Variants in HRH1 observed in about 807,000 individuals in gnomAD.
HRH1 encodes the protein histamine receptor H1, also known as histamine H1 receptor.
Under a neutral mutation model 10.3 loss-of-function variants are expected in HRH1, and 6 were observed. The observed-to-expected ratio is 0.58, with a 90% confidence interval of 0.32 to 1.15. HRH1 has a LOEUF of 1.15. Among genes scored for constraint, HRH1 ranks in the 50% most tolerant of loss-of-function variants. The pLI is 0.05. For missense variants in HRH1, 514 were observed against 615.3 expected (o/e 0.84, Z 1.74); for synonymous variants, 242 against 236.7 (o/e 1.02, Z -0.21).
chr3:11,181,968 T>C (rs910329661), intron 1 of HRH1, among the ~76,000 whole-genome samples: 18 of 151,680 alleles, frequency 1.2e-4, no homozygotes, highest in African/African-American at 4.1e-4. Flanking sequence ...CTTTCCATTG[T>C]TCATGCATAA....
rs541688961 is a variant in HRH1 at position 11,234,300 on chromosome 3, C to T, written c.-35-24703C>T. ...TTGGTTGCAGTGGCCTCAGTGGGAG[C>T]TGTTTCTTCTGCTTGTTCTGCTGGC... On this transcript the variant is annotated intron_variant, in intron 1 of 1. Transcript: ENST00000431010. The T allele has an allele frequency of 3.5e-5, 55 of 1,570,240 alleles. No homozygotes were observed. The East Asian group carries it at 1.2e-3, about 34-fold the overall frequency.
At chr3:11,176,337 T>A (rs1053526295) in intron 1 of HRH1, among the ~76,000 whole-genome samples, 4 of 152,138 alleles carry the variant, frequency 2.6e-5, no homozygotes, top group Non-Finnish European at 5.9e-5. Flanking sequence ...CAAAGGACAA[T>A]TCTTCACCAG....
intron 1 of HRH1, among the ~76,000 whole-genome samples, chr3:11,206,876 A>C (rs897321728): frequency 6.6e-6 from 1 of 152,214 alleles, no homozygotes; most frequent in African/African-American, 2.4e-5. Flanking sequence ...CAGACAAGGG[A>C]AAGTCAATGA....
At chr3:11,157,413 A>T (rs891818883) in intron 1 of HRH1, among the ~76,000 whole-genome samples, 5 of 152,208 alleles carry the variant, frequency 3.3e-5, no homozygotes, top group Non-Finnish European at 1.5e-5. Context: ...TATCTGAAAG[A>T]TGTACCTGGC....
At chr3:11,179,728 C>A (rs1480778010) in intron 1 of HRH1, among the ~76,000 whole-genome samples, 1 of 150,970 alleles carries the variant, frequency 6.6e-6, no homozygotes, top group Non-Finnish European at 1.5e-5. Flanking sequence ...CTCTTTGCCT[C>A]CCTAGGCCTC....
intron 1 of HRH1, among the ~76,000 whole-genome samples, chr3:11,207,292 C>T (rs529771651): frequency 2.6e-5 from 4 of 152,004 alleles, no homozygotes; most frequent in East Asian, 3.9e-4. Context: ...GGGCTGGGCA[C>T]GGTGTCCCAC....
At chr3:11,185,983 A>C (rs1440858599) in intron 1 of HRH1, among the ~76,000 whole-genome samples, 1 of 152,000 alleles carries the variant, frequency 6.6e-6, no homozygotes, top group Non-Finnish European at 1.5e-5. Context: ...TGTTCTGTGG[A>C]AGCCCCGACC....
At chr3:11,155,263 C>T (rs1574978094) in intron 1 of HRH1, among the ~76,000 whole-genome samples, 1 of 152,166 alleles carries the variant, frequency 6.6e-6, no homozygotes, top group East Asian at 1.9e-4. Context: ...CTCGTTGTAC[C>T]GAGAGAGGAG....
At chr3:11,181,153 T>A (rs1036147663) in intron 1 of HRH1, among the ~76,000 whole-genome samples, 1 of 152,104 alleles carries the variant, frequency 6.6e-6, no homozygotes, top group Non-Finnish European at 1.5e-5. Context: ...CCTAGTGGCA[T>A]GTGCCTGTAG....
intron 1 of HRH1, among the ~76,000 whole-genome samples, chr3:11,170,396 C>A (rs574419002): frequency 6.6e-6 from 1 of 152,374 alleles, no homozygotes; most frequent in Admixed American, 6.5e-5. Flanking sequence ...TTTGGATAAG[C>A]TCGCCACATG....
chr3:11,219,181 G>A (rs909057693), intron 1 of HRH1, among the ~76,000 whole-genome samples: 12 of 152,080 alleles, frequency 7.9e-5, no homozygotes, highest in Middle Eastern at 6.3e-3. Flanking sequence ...GAGCGACCGC[G>A]CCTGGCCTAA....
chr3:11,242,640 T>C (rs1939380727), intron 1 of HRH1, among the ~76,000 whole-genome samples: 1 of 152,170 alleles, frequency 6.6e-6, no homozygotes, highest in Non-Finnish European at 1.5e-5. Flanking sequence ...AGCTCATTTC[T>C]CTTTATTTTC....
At chr3:11,181,576 T>C (rs1937353535) in intron 1 of HRH1, among the ~76,000 whole-genome samples, 1 of 152,128 alleles carries the variant, frequency 6.6e-6, no homozygotes, top group South Asian at 2.1e-4. Flanking sequence ...CATGGGCTTA[T>C]TGACCATTTA....
At chr3:11,147,641 T>C (rs1307038156) in intron 1 of HRH1, among the ~76,000 whole-genome samples, 1 of 152,214 alleles carries the variant, frequency 6.6e-6, no homozygotes, top group Non-Finnish European at 1.5e-5. Context: ...TGCCTCTTAA[T>C]AACCGTTCCC....
chr3:11,233,796 C>T (rs1414345233), intron 1 of HRH1, among the ~76,000 whole-genome samples: 2 of 152,178 alleles, frequency 1.3e-5, no homozygotes, highest in Non-Finnish European at 2.9e-5. Flanking sequence ...GACCATCTGG[C>T]CTCTGCTAGT....
chr3:11,249,143 T>C (rs1309951423), intron 1 of HRH1, among the ~76,000 whole-genome samples: 1 of 152,132 alleles, frequency 6.6e-6, no homozygotes, highest in Non-Finnish European at 1.5e-5. Context: ...ATGCCTGTAA[T>C]CCCAGCACTT....
intron 1 of HRH1, among the ~76,000 whole-genome samples, chr3:11,236,384 G>A (rs1010282804): frequency 3.3e-5 from 5 of 152,200 alleles, no homozygotes; most frequent in Non-Finnish European, 5.9e-5. Context: ...AGCTGAGATC[G>A]TGCCATTGCA....
At chr3:11,210,380 C>T (rs375261931) in intron 1 of HRH1, among the ~76,000 whole-genome samples, 19 of 151,982 alleles carry the variant, frequency 1.3e-4, no homozygotes, top group African/African-American at 3.9e-4. Context: ...GGTGACAAAA[C>T]GAGACCCTGT....
rs1374143185 is a variant in HRH1 at position 11,220,312 on chromosome 3, T to G, written c.-35-38691T>G. Among the ~76,000 whole-genome samples, 4 of 152,168 alleles carry G rather than the reference T, an allele frequency of 2.6e-5. No homozygotes were observed. In the East Asian group the frequency reaches 5.8e-4, roughly 22 times the overall value. On this transcript the variant is annotated intron_variant, in intron 1 of 1. Coordinates refer to ENST00000431010, the MANE Select transcript of HRH1 (RefSeq NM_001098212.2). ...TGTCAGCTCCAACCCTGACTTGCTG[T>G]ATAGTCTTGGTAAAGCCGCCTGTCT...
Sources: gnomAD v4.1 joint callset for allele counts (sites outside exome capture counted in the v4.1 genomes callset) on GRCh38, gnomAD v4.1.1 for gene constraint, MANE v1.5 for transcripts, NCBI Gene and HGNC (gene_info 2026-07-23, HGNC 2026-07-21) for gene names.